CNIH3: variants seen among roughly 807,000 people sequenced by gnomAD.
CNIH3 encodes protein cornichon homolog 3.
In CNIH3, 14 loss-of-function variants were observed where a neutral mutation model predicts 24.1. The ratio of observed to expected loss-of-function variants is 0.58; its 90% CI spans 0.38 to 0.91. The LOEUF is 0.91. Among genes scored for constraint, CNIH3 ranks in the 40% least tolerant of loss-of-function variants. CNIH3 has a pLI of 0.00. For synonymous variants in CNIH3, 68 were observed against 73.8 expected (o/e 0.92, Z 0.40); for missense variants, 178 against 196.8 (o/e 0.90, Z 0.57).
upstream of CNIH3, among the ~76,000 whole-genome samples, chr1:224,613,039 C>A (rs963935203): frequency 6.6e-6 from 1 of 152,188 alleles, no homozygotes; most frequent in African/African-American, 2.4e-5. Flanking sequence ...CGCTTTGTCA[C>A]CCGAGGTGGG....
chr1:224,629,019 C>T (rs1683685542), intron 1 of CNIH3, among the ~76,000 whole-genome samples: 1 of 150,184 alleles, frequency 6.7e-6, no homozygotes, highest in Non-Finnish European at 1.5e-5. Context: ...TTTCTTTTCA[C>T]CCCCCGAGAC....
intron 2 of CNIH3, chr1:224,546,808 A>G: frequency 1.5e-6 from 1 of 677,424 alleles, no homozygotes; most frequent in Non-Finnish European, 1.8e-6. Flanking sequence ...TCAAGTCTGT[A>G]TCTCCCTCAT....
intron 1 of CNIH3, among the ~76,000 whole-genome samples, chr1:224,459,813 T>A (rs1245875275): frequency 1.3e-5 from 2 of 151,710 alleles, no homozygotes; most frequent in African/African-American, 4.8e-5. Context: ...AGGCCAGGAA[T>A]GAGGCTCTTG....
Position 224,548,322 on chromosome 1 carries a change from A to G in CNIH3, n.450+1383A>G, listed in dbSNP as rs528990395. Among the ~76,000 whole-genome samples, 25 of 152,016 alleles carry G rather than the reference A, an allele frequency of 1.6e-4. 1 individual carries two copies. In the South Asian group the frequency reaches 4.6e-3, roughly 28 times the overall value. On this transcript the variant is annotated intron_variant and non_coding_transcript_variant, in intron 3 of 5. Transcript: ENST00000471578. The stretch of plus-strand genomic sequence containing the variant: ...ATATTACTCGCAATATCAAAGGGAG[A>G]CATTACTTTCAATATCACAGTGGGT...
rs1680959511 is a variant in CNIH3, at chr1:224,574,670, G to A, written n.516+8406G>A. On this transcript the variant is annotated intron_variant and non_coding_transcript_variant, in intron 4 of 5. Coordinates refer to the CNIH3 transcript ENST00000471578. ...AGGAGCTCTTCATCACCAGCAAGCTGTGGTGAGCGTACCATGAGAAGGGCC... is the reference window on the plus strand; with the variant it reads ...AGGAGCTCTTCATCACCAGCAAGCTATGGTGAGCGTACCATGAGAAGGGCC... 2.8e-5 allele frequency: 29 copies of A among 1,042,228 alleles called. No individual in the cohort carries two copies. In the South Asian group the frequency reaches 3.5e-4, roughly 13 times the overall value. 64.6% of individuals were successfully genotyped at this position (1,042,228 alleles called of 1,614,324 possible). A position where few individuals can be genotyped will look rare whatever the true frequency, so the allele number is the denominator to read the frequency against.
intron 1 of CNIH3, among the ~76,000 whole-genome samples, chr1:224,666,205 A>G (rs1038103917): frequency 2.0e-5 from 3 of 152,168 alleles, no homozygotes; most frequent in Non-Finnish European, 4.4e-5. Context: ...TGACTTCCCC[A>G]TGATGCCCTT....
At chr1:224,440,040 G>A (rs1027320734) in intron 1 of CNIH3, among the ~76,000 whole-genome samples, 5 of 152,124 alleles carry the variant, frequency 3.3e-5, no homozygotes, top group African/African-American at 9.7e-5. Context: ...TGCCCGCCTC[G>A]GCCTCCCAAA....
At chr1:224,571,064 C>A (rs1470056332) in intron 4 of CNIH3, among the ~76,000 whole-genome samples, 1 of 152,234 alleles carries the variant, frequency 6.6e-6, no homozygotes, top group Admixed American at 6.5e-5. Context: ...TGTGCCTCCA[C>A]TATCTTAATT....
intron 2 of CNIH3, among the ~76,000 whole-genome samples, chr1:224,526,047 G>A (rs998661280): frequency 1.3e-5 from 2 of 152,186 alleles, no homozygotes; most frequent in African/African-American, 4.8e-5. Flanking sequence ...GCTGGGCACT[G>A]TGTCACATGT....
At chr1:224,732,029 A>C (rs142899225) in intron 4 of CNIH3, among the ~76,000 whole-genome samples, 116 of 152,362 alleles carry the variant, frequency 7.6e-4, no homozygotes, top group African/African-American at 2.8e-3. Flanking sequence ...CTTTAGAAGA[A>C]GACAGTGGCA....
intron 3 of CNIH3, among the ~76,000 whole-genome samples, chr1:224,597,175 A>C (rs1287538429): frequency 1.7e-5 from 1 of 58,086 alleles, no homozygotes; most frequent in Non-Finnish European, 3.5e-5. Flanking sequence ...ACAAACAAAC[A>C]AAAAAAAAAA....
chr1:224,468,838 A>G (rs906519421), intron 1 of CNIH3, among the ~76,000 whole-genome samples: 1 of 151,708 alleles, frequency 6.6e-6, no homozygotes, highest in Admixed American at 6.6e-5. Flanking sequence ...AAAAAAAAAA[A>G]AAAAAGAAAG....
intron 3 of CNIH3, among the ~76,000 whole-genome samples, chr1:224,690,821 G>T (rs995876494): frequency 6.6e-6 from 1 of 152,188 alleles, no homozygotes; most frequent in Non-Finnish European, 1.5e-5. Flanking sequence ...TGGAGAGCCT[G>T]CTGGGAAGGG....
At chr1:224,511,836 A>C (rs1219483505), upstream of CNIH3, among the ~76,000 whole-genome samples, 1 of 152,190 alleles carries the variant, frequency 6.6e-6, no homozygotes, top group Non-Finnish European at 1.5e-5. Context: ...CCTGGGTGAC[A>C]GGACAAACCC....
intron 1 of CNIH3, among the ~76,000 whole-genome samples, chr1:224,477,695 A>C (rs1676644650): frequency 6.6e-6 from 1 of 152,238 alleles, no homozygotes; most frequent in Non-Finnish European, 1.5e-5. Context: ...AGTAGTTTAC[A>C]TACCACAATT....
chr1:224,734,658 G>A lies in CNIH3; in HGVS notation c.407G>A (p.Trp136Ter). The A allele has an allele frequency of 1.2e-6, 2 of 1,614,150 alleles. No homozygotes were observed. The highest frequency in any genetic ancestry group is 1.7e-6 in the Non-Finnish European group (2 of 1,179,996). ...TTGAGTTACTGTCAGAAGGAGGCCT[G>A]GTGTAAGCTGGCCTTCTATCTCCTC... ...DTLSYCQKEA[W>*]CKLAFYLLSF... The change falls in exon 5 of 6, where the codon TGG (tryptophan) becomes TAG (stop). Residue 136 changes from tryptophan (W) to a stop codon, truncating the protein, a stop_gained. Transcript: ENST00000272133. LOFTEE classifies it high-confidence loss of function.
intron 1 of CNIH3, among the ~76,000 whole-genome samples, chr1:224,470,091 T>C (rs1487869179): frequency 5.3e-5 from 8 of 151,764 alleles, no homozygotes; most frequent in Non-Finnish European, 7.4e-5. Context: ...CGATCTCGGC[T>C]CACTGCAAGC....
At chr1:224,617,372 C>T (rs548199969) in intron 1 of CNIH3, 117 bp downstream of exon 1, 2 of 1,111,744 alleles carry the variant, frequency 1.8e-6, no homozygotes, top group Non-Finnish European at 2.6e-6. Context: ...GACCTTCTGC[C>T]GCTCCACTGT....
chr1:224,528,769 A>G (rs1678944033), intron 2 of CNIH3, among the ~76,000 whole-genome samples: 1 of 152,244 alleles, frequency 6.6e-6, no homozygotes, highest in African/African-American at 2.4e-5. Context: ...AGACAAATTC[A>G]TTTTTAAAAA....
Sources: gnomAD v4.1 joint callset for allele counts (sites outside exome capture counted in the v4.1 genomes callset) on GRCh38, gnomAD v4.1.1 for gene constraint, MANE v1.5 for transcripts, NCBI Gene and HGNC (gene_info 2026-07-23, HGNC 2026-07-21) for gene names.